CROCC2: variants seen among roughly 807,000 people sequenced by gnomAD.
CROCC2 encodes ciliary rootlet coiled-coil, rootletin family member 2, also known as ciliary rootlet coiled-coil protein 2.
CROCC2 carries 163 observed loss-of-function variants against 177.6 expected under a neutral mutation model. That is an observed-to-expected ratio of 0.92 (90% CI 0.81 to 1.05). The LOEUF is 1.05. Ranked by LOEUF, CROCC2 falls within the 50% of genes least tolerant of loss-of-function variation. The pLI is 0.00. For synonymous variants in CROCC2, 904 were observed against 787.3 expected (o/e 1.15, Z -2.48); for missense variants, 1,929 against 1,797.8 (o/e 1.07, Z -1.32).
At chr2:240,950,558 C>T (rs1169207406) in intron 18 of CROCC2, 48 bp downstream of exon 18, 2 of 1,511,556 alleles carry the variant, frequency 1.3e-6, no homozygotes, top group Admixed American at 2.0e-5. Flanking sequence ...CCCACTGCAC[C>T]TGTCACCTCT....
At chr2:240,959,643 G>A in intron 20 of CROCC2, 199 bp downstream of exon 20, 1 of 601,436 alleles carries the variant, frequency 1.7e-6, no homozygotes, top group Non-Finnish European at 2.7e-6. Flanking sequence ...CACGCACTAA[G>A]CCAAGCCCAG....
Position 240,948,990 on chromosome 2 carries a change from A to C in CROCC2, c.2375A>C (p.Asp792Ala). The change falls in exon 16 of 32, where the codon GAC becomes GCC. Residue 792 changes from aspartate (D) to alanine (A), a missense_variant. By Grantham distance (126) the Asp-to-Ala change is moderately radical. Coordinates refer to ENST00000690015, the MANE Select transcript of CROCC2 (RefSeq NM_001351305.2). The stretch of plus-strand genomic sequence containing the variant: ...CTGCATCTTTGCAGGGTGGAGAGGG[A>C]CTCCCTGGAGAGCAGCCTCCTTGAG... ...EEAADLRVER[D>A]SLESSLLEAQ... 1 of 1,550,236 alleles carries C rather than the reference A, an allele frequency of 6.5e-7. No homozygotes were observed. The highest frequency in any genetic ancestry group is 1.4e-5 in the African/African-American group (1 of 73,112).
intron 3 of CROCC2, among the ~76,000 whole-genome samples, chr2:240,921,446 G>C (rs79480475): frequency 0.045 from 6,831 of 152,268 alleles, 353 homozygotes; most frequent in East Asian, 0.24. Flanking sequence ...GGAGGCCTTG[G>C]GGGAGGCATC....
intron 14 of CROCC2, among the ~76,000 whole-genome samples, chr2:240,942,289 A>T (rs1401061743): frequency 6.6e-6 from 1 of 152,150 alleles, no homozygotes; most frequent in Admixed American, 6.5e-5. Context: ...ATTTTTAACC[A>T]TTCACACACA....
At position 240,950,432 on chromosome 2, in the gene CROCC2, G is replaced by A. The variant is rs766209220; in HGVS notation, c.2751G>A (p.Glu917=). 2.6e-6 allele frequency: 4 copies of A among 1,550,188 alleles called. No individual in the cohort carries two copies. The highest frequency in any genetic ancestry group is 2.4e-5 in the South Asian group (2 of 84,064). The change falls in exon 18 of 32, where the codon GAG becomes GAA. Residue 917 remains glutamate, a synonymous_variant. Transcript: ENST00000690015. ...ELVTKSAAER[E]ALKGEIQSLK... ...TGACAAAAAGTGCAGCTGAGAGGGA[G>A]GCTCTGAAGGGGGAAATTCAGAGCC...
At position 240,922,975 on chromosome 2, in the gene CROCC2, C is replaced by T. The variant is rs570815151; in HGVS notation, c.488+330C>T. Among the ~76,000 whole-genome samples the T allele has an allele frequency of 7.8e-4, 118 of 152,200 alleles. 1 individual carries two copies. Among genetic ancestry groups the T allele is most frequent in the Non-Finnish European group, 1.2e-3 (82 of 67,990 alleles). On this transcript the variant is annotated intron_variant, in intron 4 of 31. Coordinates refer to ENST00000690015, the MANE Select transcript of CROCC2 (RefSeq NM_001351305.2). The stretch of plus-strand genomic sequence containing the variant: ...GGCTCAGCGTGGGCCTCTCACGCAA[C>T]CAGGCACCACCGTCCCAGCCTCTGA...
Position 240,946,221 on chromosome 2 carries a change from C to T in CROCC2, c.2331C>T (p.Gly777=), listed in dbSNP as rs1037070122. 1.9e-6 allele frequency: 3 copies of T among 1,540,810 alleles called. No individual in the cohort carries two copies. Among genetic ancestry groups the T allele is most frequent in the Non-Finnish European group, 1.8e-6 (2 of 1,139,264 alleles). ...AGCAGGAGGCCTTGGAGAGGCAGGG[C>T]CGGCTCGCAGCTGAAGAGGCAGCTG... ...LAKQEALERQ[G]RLAAEEAADL... The change falls in exon 15 of 32, where the codon GGC becomes GGT. Residue 777 remains glycine (G), a synonymous_variant. Transcript: ENST00000690015.
chr2:240,956,377 A>C (rs1330788509), intron 19 of CROCC2: 2 of 200,070 alleles, frequency 1.0e-5, no homozygotes, highest in African/African-American at 4.6e-5. Context: ...CACCAGAGAG[A>C]TCCTTCCAAA....
chr2:240,969,999 G>A (rs2059710278), intron 27 of CROCC2, among the ~76,000 whole-genome samples: 1 of 152,102 alleles, frequency 6.6e-6, no homozygotes, highest in African/African-American at 2.4e-5. Context: ...CAAAGTGCTG[G>A]GATTACAGGT....
At chr2:240,975,489 T>C (rs2059753814) in intron 27 of CROCC2, among the ~76,000 whole-genome samples, 1 of 152,112 alleles carries the variant, frequency 6.6e-6, no homozygotes, top group Non-Finnish European at 1.5e-5. Context: ...AGTGGATAAA[T>C]GGGTATGAGG....
Position 240,963,716 on chromosome 2 carries a change from T to G in CROCC2, c.3248T>G (p.Leu1083Trp). 6.5e-7 allele frequency: 1 copy of G among 1,550,284 alleles called. No individual in the cohort carries two copies. Among genetic ancestry groups the G allele is most frequent in the Non-Finnish European group, 8.7e-7 (1 of 1,146,808 alleles). The change falls in exon 21 of 32, where the codon TTG becomes TGG. Residue 1083 changes from leucine (L) to tryptophan (W), a missense_variant. Transcript: ENST00000690015. ...SDEAREKDVL[L>W]LFNSELRATI... ...GAGGCCCGCGAGAAGGACGTACTGTTGCTTTTCAACAGCGAGCTGCGGGCC... is the reference window on the plus strand; with the variant it reads ...GAGGCCCGCGAGAAGGACGTACTGTGGCTTTTCAACAGCGAGCTGCGGGCC...
At chr2:240,974,593 C>T (rs1184970047) in intron 27 of CROCC2, among the ~76,000 whole-genome samples, 1 of 142,426 alleles carries the variant, frequency 7.0e-6, no homozygotes, top group Non-Finnish European at 1.5e-5. Flanking sequence ...TAGTCTCAAA[C>T]TCCTGAGCTC....
chr2:240,966,528 C>T (rs1024162184), intron 25 of CROCC2, 119 bp downstream of exon 25: 5 of 397,398 alleles, frequency 1.3e-5, no homozygotes, highest in Admixed American at 4.4e-5. Flanking sequence ...CCAGGCCGTC[C>T]TGTTTGTTGT....
chr2:240,973,127 T>C lies in CROCC2; in HGVS notation c.4401+4865T>C, dbSNP rs1258718184. On this transcript the variant is annotated intron_variant, in intron 27 of 31. Coordinates refer to ENST00000690015, the MANE Select transcript of CROCC2 (RefSeq NM_001351305.2). This position sits in a 1 kb window ranked among gnomAD's most constrained non-coding sequence, Gnocchi z 4.7. ...TTCTTTTGCTTTCATGGGTTGGTTT[T>C]TCCCCTGTTTCACATAAGCCGATGT... 6.6e-6 allele frequency among the ~76,000 whole-genome samples: 1 copy of C among 152,228 alleles called. No homozygotes were observed. The highest frequency in any genetic ancestry group is 2.1e-4 in the South Asian group (1 of 4,828).
At chr2:240,919,861 G>C in intron 2 of CROCC2, 122 bp from the exon 3 acceptor site, 1 of 580,298 alleles carries the variant, frequency 1.7e-6, no homozygotes, top group South Asian at 2.0e-5. Flanking sequence ...CCAGGAGATG[G>C]GGGCAGGTCC....
rs1182925043 is a variant in CROCC2 at position 240,982,693 on chromosome 2, G to A, written c.4402-187G>A. The A allele has an allele frequency of 1.2e-5, 7 of 561,480 alleles. No individual in the cohort carries two copies. The highest frequency in any genetic ancestry group is 3.4e-5 in the Admixed American group (1 of 29,772). 34.8% of individuals were successfully genotyped at this position (561,480 alleles called of 1,614,324 possible). ...CTTCCTGGGGGTCCACACCTTTGAG[G>A]TTACATTGCAAACACAATCACCTGA... is the stretch of plus-strand genomic sequence containing the variant. On this transcript the variant is annotated intron_variant, in intron 27 of 31. Transcript: ENST00000690015. The surrounding 1 kb of genome is among the most constrained non-coding windows in gnomAD (Gnocchi z 4.7).
At chr2:240,934,671 G>A (rs144479589) in intron 12 of CROCC2, among the ~76,000 whole-genome samples, 196 bp downstream of exon 12, 108 of 152,326 alleles carry the variant, frequency 7.1e-4, no homozygotes, top group Non-Finnish European at 1.2e-3. Flanking sequence ...TGTCAACCCT[G>A]CTGGCCACGC....
intron 19 of CROCC2, 103 bp from the exon 20 acceptor site, chr2:240,959,198 C>T (rs1202249949): frequency 5.2e-6 from 7 of 1,347,502 alleles, no homozygotes; most frequent in Non-Finnish European, 2.0e-6. Context: ...CTCCCCCTCC[C>T]AGGCCACTGC....
At position 240,972,845 on chromosome 2, in the gene CROCC2, T is replaced by C. The variant is rs111608063; in HGVS notation, c.4401+4583T>C. On this transcript the variant is annotated intron_variant, in intron 27 of 31. Coordinates refer to ENST00000690015, the MANE Select transcript of CROCC2 (RefSeq NM_001351305.2). This position sits in a 1 kb window ranked among gnomAD's most constrained non-coding sequence, Gnocchi z 7.1. The stretch of plus-strand genomic sequence containing the variant: ...CAACTTTTTGTAATCTATGAGTCAT[T>C]GTGATAGGTTTCTGGATTCAGACAC... 6.6e-6 allele frequency among the ~76,000 whole-genome samples: 1 copy of C among 152,060 alleles called. No homozygotes were observed. Among genetic ancestry groups the C allele is most frequent in the Non-Finnish European group, 1.5e-5 (1 of 68,002 alleles).
Sources: allele counts gnomAD v4.1 joint callset (sites outside exome capture counted in the v4.1 genomes callset), GRCh38; gene constraint gnomAD v4.1.1; non-coding constraint Gnocchi (gnomAD v3.1); transcripts MANE v1.5; gene names NCBI Gene and HGNC (gene_info 2026-07-23, HGNC 2026-07-21).